Variants in THSD4 observed in about 807,000 individuals in gnomAD.
The protein encoded by THSD4 is thrombospondin type-1 domain-containing protein 4.
THSD4 carries 69 observed loss-of-function variants against 119.0 expected under a neutral mutation model. The observed-to-expected ratio is 0.58, with a 90% CI of 0.48 to 0.71. The LOEUF is 0.71. Among genes scored for constraint, THSD4 ranks in the 30% least tolerant of loss-of-function variants. The pLI, the probability that THSD4 is intolerant of heterozygous loss-of-function variation, is 0.00. For synonymous variants in THSD4, 524 were observed against 540.4 expected (o/e 0.97, Z 0.42); for missense variants, 1,393 against 1,391.1 (o/e 1.00, Z -0.02).
intron 6 of THSD4, among the ~76,000 whole-genome samples, chr15:71,278,322 A>G (rs1180117361): frequency 6.6e-6 from 1 of 152,094 alleles, no homozygotes; most frequent in Non-Finnish European, 1.5e-5. Flanking sequence ...CAGCCTCCCA[A>G]GTAGCTGGGA....
chr15:71,494,690 C>T (rs1004959773), intron 7 of THSD4, among the ~76,000 whole-genome samples: 1 of 152,030 alleles, frequency 6.6e-6, no homozygotes, highest in Non-Finnish European at 1.5e-5. Context: ...AATCAAAGCC[C>T]CATCAGAGGA....
chr15:71,631,607 A>G (rs1330735008), intron 7 of THSD4, among the ~76,000 whole-genome samples: 1 of 152,226 alleles, frequency 6.6e-6, no homozygotes, highest in Non-Finnish European at 1.5e-5. Context: ...TGTATCTTAG[A>G]GATTTTGAAA....
intron 2 of THSD4, among the ~76,000 whole-genome samples, chr15:71,145,098 C>T (rs763386566): frequency 5.3e-5 from 8 of 151,874 alleles, no homozygotes; most frequent in Non-Finnish European, 1.2e-4. Context: ...TAGAACAGTA[C>T]AATAAATGCT....
At chr15:71,620,105 CCAG>C (rs1334184781) in intron 7 of THSD4, among the ~76,000 whole-genome samples, 1 of 152,056 alleles carries the variant, frequency 6.6e-6, no homozygotes, top group African/African-American at 2.4e-5. Context: ...AGGAAACAGC[CCAG>C]CATTTGAAGC....
At position 71,242,611 on chromosome 15, in the gene THSD4, G is replaced by A. The variant is rs375963303; in HGVS notation, c.465-38G>A. ...TTCTGAGTTAACATGAAATTCATCCGACTCTGATCATCTCCTCTCTTGTCT... is the reference window on the plus strand; with the variant it reads ...TTCTGAGTTAACATGAAATTCATCCAACTCTGATCATCTCCTCTCTTGTCT... On this transcript the variant is annotated intron_variant, in intron 4 of 17. Transcript: ENST00000261862. 48 of 1,590,712 alleles carry A rather than the reference G, an allele frequency of 3.0e-5. No homozygotes were observed. The African/African-American group carries it at 4.4e-4, about 15-fold the overall frequency.
At chr15:71,198,279 G>C (rs950123620) in intron 3 of THSD4, among the ~76,000 whole-genome samples, 8 of 151,712 alleles carry the variant, frequency 5.3e-5, no homozygotes, top group Non-Finnish European at 1.2e-4. Context: ...GAGAAAAAAA[G>C]GGCTGGAGAA....
chr15:71,741,334 A>G (rs1284453977), intron 11 of THSD4, among the ~76,000 whole-genome samples: 1 of 152,052 alleles, frequency 6.6e-6, no homozygotes, highest in Non-Finnish European at 1.5e-5. Context: ...CCTCACCAAA[A>G]ATACAAAAAT....
chr15:71,215,778 G>C (rs1281500975), intron 4 of THSD4, among the ~76,000 whole-genome samples: 1 of 152,158 alleles, frequency 6.6e-6, no homozygotes, highest in African/African-American at 2.4e-5. Context: ...GACACAAGAC[G>C]AGAAGAAGTG....
chr15:71,572,779 A>G (rs932432657), intron 7 of THSD4, among the ~76,000 whole-genome samples: 1 of 152,194 alleles, frequency 6.6e-6, no homozygotes, highest in Non-Finnish European at 1.5e-5. Flanking sequence ...GACTCAAGCT[A>G]CTTCTCAAAG....
In THSD4 at chr15:71,105,119, G is replaced by T. The variant is rs556782393; in HGVS notation, c.-80+8113G>T. Among the ~76,000 whole-genome samples the T allele has an allele frequency of 9.9e-5, 15 of 152,240 alleles. No individual in the cohort carries two copies. The South Asian group carries it at 3.1e-3, about 32-fold the overall frequency. ...TTCTAGGGTCCCCTTAGCCAAGAGG[G>T]GGTCTGTTCAGCTGTTGAGGGGCTT... On this transcript the variant is annotated intron_variant, in intron 1 of 17. Transcript: ENST00000355327.
intron 6 of THSD4, among the ~76,000 whole-genome samples, chr15:71,330,277 T>C (rs2045404608): frequency 6.6e-6 from 1 of 152,094 alleles, no homozygotes; most frequent in Admixed American, 6.5e-5. Context: ...TTTGTTAAAT[T>C]CATCTTTGAG....
intron 6 of THSD4, among the ~76,000 whole-genome samples, chr15:71,303,484 A>G (rs2044980428): frequency 6.6e-6 from 1 of 152,238 alleles, no homozygotes; most frequent in Non-Finnish European, 1.5e-5. Context: ...AGTTCTATGG[A>G]GAAAGCAGTA....
At chr15:71,357,878 C>T (rs937086234) in intron 6 of THSD4, among the ~76,000 whole-genome samples, 2 of 152,210 alleles carry the variant, frequency 1.3e-5, no homozygotes, top group African/African-American at 4.8e-5. Context: ...TACCAACTGC[C>T]TTACTTATTC....
chr15:71,531,813 A>G (rs2048613586), intron 7 of THSD4, among the ~76,000 whole-genome samples: 1 of 152,198 alleles, frequency 6.6e-6, no homozygotes, highest in South Asian at 2.1e-4. Context: ...GATATTTTCC[A>G]GCTGCCAAAT....
At chr15:71,514,637 ATAAT>A (rs1245254818) in intron 7 of THSD4, among the ~76,000 whole-genome samples, 2 of 152,222 alleles carry the variant, frequency 1.3e-5, no homozygotes, top group African/African-American at 4.8e-5. Context: ...TCTTCATGAC[ATAAT>A]TAATACATAT....
At chr15:71,764,388 A>G (rs1303552571) in intron 15 of THSD4, among the ~76,000 whole-genome samples, 3 of 152,284 alleles carry the variant, frequency 2.0e-5, no homozygotes, top group Non-Finnish European at 4.4e-5. Context: ...AACATATGTA[A>G]TTGCCTGGCT....
intron 6 of THSD4, among the ~76,000 whole-genome samples, chr15:71,373,911 A>G (rs1045647156): frequency 1.3e-5 from 2 of 152,210 alleles, no homozygotes; most frequent in Admixed American, 6.5e-5. Flanking sequence ...AAAAATCATT[A>G]CTTTAAAAAT....
chr15:71,413,542 G>C (rs1009086680), intron 7 of THSD4, among the ~76,000 whole-genome samples: 2 of 152,176 alleles, frequency 1.3e-5, no homozygotes, highest in African/African-American at 4.8e-5. Flanking sequence ...ACATGTGAGT[G>C]AAAACGTGAT....
At chr15:71,740,706 A>C (rs2053217760) in intron 11 of THSD4, among the ~76,000 whole-genome samples, 1 of 152,224 alleles carries the variant, frequency 6.6e-6, no homozygotes, top group Non-Finnish European at 1.5e-5. Flanking sequence ...GTTGAAATTT[A>C]AAGAAAGCAA....
Sources: allele counts gnomAD v4.1 joint callset (sites outside exome capture counted in the v4.1 genomes callset), GRCh38; gene constraint gnomAD v4.1.1; transcripts MANE v1.5; gene names NCBI Gene and HGNC (gene_info 2026-07-23, HGNC 2026-07-21).